The following CLMN variants were observed in gnomAD, a reference collection of about 807,000 sequenced individuals.
CLMN encodes the protein calmin.
CLMN carries 57 observed loss-of-function variants against 92.7 expected under a neutral mutation model. That is an observed-to-expected ratio of 0.61 (90% CI 0.50 to 0.77). The LOEUF is 0.77. Ranked by LOEUF, CLMN falls within the 30% of genes least tolerant of loss-of-function variation. The pLI, the probability that CLMN is intolerant of heterozygous loss-of-function variation, is 0.00. For synonymous variants in CLMN, 466 were observed against 470.6 expected (o/e 0.99, Z 0.13); for missense variants, 1,158 against 1,237.5 (o/e 0.94, Z 0.96).
Position 95,191,471 on chromosome 14 carries a change from T to C in CLMN, c.*93A>G, listed in dbSNP as rs1383029362. On this transcript the variant is annotated 3_prime_UTR_variant, in exon 13 of 13. Coordinates refer to ENST00000298912, the MANE Select transcript of CLMN (RefSeq NM_024734.4). This position sits in a 1 kb window ranked among gnomAD's most constrained non-coding sequence, Gnocchi z 5.3. ...AAGTTTCCTCGGAGGTCCTCAACTG[T>C]CTGTAGAAGTGCCCCACCCAGAACC... 2 of 1,005,318 alleles carry C rather than the reference T, an allele frequency of 2.0e-6. No individual in the cohort carries two copies. The highest frequency in any genetic ancestry group is 2.8e-5 in the East Asian group (1 of 36,126). The allele number at this position is 1,005,318 out of a possible 1,614,324, so 62.3% of individuals were successfully genotyped here.
In CLMN at chr14:95,194,015, C is replaced by T. The variant is rs1049177374; in HGVS notation, c.2770-96G>A. 1.3e-6 allele frequency: 2 copies of T among 1,543,782 alleles called. No individual in the cohort carries two copies. Among genetic ancestry groups the T allele is most frequent in the Non-Finnish European group, 1.7e-6 (2 of 1,147,722 alleles). ...TAAAACGATTTTAAACACACAAAGCCGAGCATGCCGGGCATTTCTCAATAC... is the reference window on the plus strand; with the variant it reads ...TAAAACGATTTTAAACACACAAAGCTGAGCATGCCGGGCATTTCTCAATAC... On this transcript the variant is annotated intron_variant, in intron 11 of 12. Transcript: ENST00000298912. This position sits in a 1 kb window ranked among gnomAD's most constrained non-coding sequence, Gnocchi z 4.0.
chr14:95,242,744 T>C (rs910710568), intron 1 of CLMN, among the ~76,000 whole-genome samples: 5 of 151,948 alleles, frequency 3.3e-5, no homozygotes, highest in Non-Finnish European at 7.4e-5. Context: ...ATTTTTTGTA[T>C]TTTTAGTAGA....
Position 95,294,433 on chromosome 14 carries a change from G to C in CLMN, c.82+25278C>G, listed in dbSNP as rs908248819. Reference sequence around the variant, plus strand: ...GTGCTTGTCTGGCATGCACGGGGCAGGCCTTGCACCCAGTCTGGGCCAAGA... The same window carrying C: ...GTGCTTGTCTGGCATGCACGGGGCACGCCTTGCACCCAGTCTGGGCCAAGA... On this transcript the variant is annotated intron_variant, in intron 1 of 12. Coordinates refer to ENST00000298912, the MANE Select transcript of CLMN (RefSeq NM_024734.4). This position sits in a 1 kb window ranked among gnomAD's most constrained non-coding sequence, Gnocchi z 4.2. 1.3e-5 allele frequency among the ~76,000 whole-genome samples: 2 copies of C among 152,224 alleles called. No individual in the cohort carries two copies. The highest frequency in any genetic ancestry group is 6.5e-5 in the Admixed American group (1 of 15,280).
intron 1 of CLMN, among the ~76,000 whole-genome samples, chr14:95,296,792 C>T (rs1400504467): frequency 1.3e-5 from 2 of 152,214 alleles, no homozygotes; most frequent in African/African-American, 2.4e-5. Flanking sequence ...TGATGCACAG[C>T]GGGCCACACC....
chr14:95,303,302 G>A (rs1167390276), intron 1 of CLMN, among the ~76,000 whole-genome samples: 1 of 152,166 alleles, frequency 6.6e-6, no homozygotes. Context: ...CTCCCAAGGG[G>A]CCAAAGCACC....
intron 1 of CLMN, 61 bp from the exon 2 acceptor site, chr14:95,230,194 C>A: frequency 6.8e-7 from 1 of 1,478,260 alleles, no homozygotes. Context: ...ATCACACCTT[C>A]CCCTTCCCAA....
chr14:95,198,038 CTTTCTTTT>C (rs1896770351), intron 9 of CLMN, among the ~76,000 whole-genome samples: 1 of 122,560 alleles, frequency 8.2e-6, no homozygotes, highest in East Asian at 2.6e-4. Context: ...ATCTTTTTTT[CTTTCTTTT>C]TTTTTTTTTT....
At chr14:95,285,157 T>TA (rs1475736923) in intron 1 of CLMN, among the ~76,000 whole-genome samples, 1 of 152,220 alleles carries the variant, frequency 6.6e-6, no homozygotes, top group African/African-American at 2.4e-5. Flanking sequence ...CACCACCATA[T>TA]AAGAAGTGCC....
At chr14:95,196,356 G>C (rs1896711206) in intron 10 of CLMN, 142 bp downstream of exon 10, 2 of 825,548 alleles carry the variant, frequency 2.4e-6, no homozygotes, top group South Asian at 3.9e-5. Flanking sequence ...CAGGTGTAGA[G>C]AATGAGGATT....
chr14:95,292,939 C>T (rs893503689), intron 1 of CLMN, among the ~76,000 whole-genome samples: 4 of 152,072 alleles, frequency 2.6e-5, no homozygotes, highest in Admixed American at 1.3e-4. Flanking sequence ...GGGGTAACCA[C>T]GGAGCAGGAG....
chr14:95,259,241 T>C lies in CLMN; in HGVS notation c.83-29108A>G, dbSNP rs1000330687. Among the ~76,000 whole-genome samples, 1 of 152,002 alleles carries C rather than the reference T, an allele frequency of 6.6e-6. No homozygotes were observed. Among genetic ancestry groups the C allele is most frequent in the Non-Finnish European group, 1.5e-5 (1 of 67,972 alleles). ...GGCCGGCCTCCTAGTGTCAGAGGTA[T>C]AGACAACCACTGCTCTTCCCCAATG... is the stretch of plus-strand genomic sequence containing the variant. On this transcript the variant is annotated intron_variant, in intron 1 of 12. Coordinates refer to ENST00000298912, the MANE Select transcript of CLMN (RefSeq NM_024734.4). The surrounding 1 kb of genome is among the most constrained non-coding windows in gnomAD (Gnocchi z 4.3).
At chr14:95,274,529 C>G (rs1899847341) in intron 1 of CLMN, among the ~76,000 whole-genome samples, 1 of 152,162 alleles carries the variant, frequency 6.6e-6, no homozygotes, top group Admixed American at 6.5e-5. Context: ...CCATCAGGTT[C>G]CTGGCACCTG....
intron 1 of CLMN, 32 bp from the exon 2 acceptor site, chr14:95,230,165 A>C: frequency 6.2e-7 from 1 of 1,601,978 alleles, no homozygotes; most frequent in Non-Finnish European, 8.6e-7. Flanking sequence ...CAGCTGGGAG[A>C]ATAAGAAGTA....
chr14:95,317,745 G>A (rs1049804679), intron 1 of CLMN, among the ~76,000 whole-genome samples: 4 of 152,126 alleles, frequency 2.6e-5, no homozygotes, highest in Non-Finnish European at 4.4e-5. Flanking sequence ...AAGATGAATC[G>A]ACCATCTAGG....
At chr14:95,223,912 T>A in intron 2 of CLMN, 57 bp from the exon 3 acceptor site, 2 of 1,236,722 alleles carry the variant, frequency 1.6e-6, no homozygotes, top group African/African-American at 3.0e-5. Context: ...TCCACAAAGC[T>A]ATGTCAGAGA....
At chr14:95,314,071 G>A (rs1309886461) in intron 1 of CLMN, among the ~76,000 whole-genome samples, 1 of 152,146 alleles carries the variant, frequency 6.6e-6, no homozygotes, top group Non-Finnish European at 1.5e-5. Context: ...ACTGGACTGA[G>A]GGCTTCCCTC....
chr14:95,265,517 C>G (rs1344284450), intron 1 of CLMN, among the ~76,000 whole-genome samples: 1 of 152,218 alleles, frequency 6.6e-6, no homozygotes, highest in South Asian at 2.1e-4. Context: ...TAGACTCATC[C>G]TCTTGGCTGT....
At chr14:95,273,452 T>C (rs1454127082) in intron 1 of CLMN, among the ~76,000 whole-genome samples, 1 of 152,228 alleles carries the variant, frequency 6.6e-6, no homozygotes, top group African/African-American at 2.4e-5. Context: ...AGTTCACTTA[T>C]GATGCTGCAC....
At chr14:95,290,100 G>A (rs568088379) in intron 1 of CLMN, among the ~76,000 whole-genome samples, 18 of 152,304 alleles carry the variant, frequency 1.2e-4, no homozygotes, top group African/African-American at 4.3e-4. Flanking sequence ...TCACATGAAA[G>A]ACAAATTGCC....
Sources: gnomAD v4.1 joint callset for allele counts (sites outside exome capture counted in the v4.1 genomes callset) on GRCh38, gnomAD v4.1.1 for gene constraint, Gnocchi (gnomAD v3.1) non-coding constraint, MANE v1.5 for transcripts, NCBI Gene and HGNC (gene_info 2026-07-23, HGNC 2026-07-21) for gene names.